The following ADCY10 variants were observed in gnomAD, a reference collection of about 807,000 sequenced individuals.
ADCY10 encodes adenylate cyclase 10, also known as adenylate cyclase type 10.
A neutral mutation model predicts 183.3 loss-of-function variants in ADCY10; 156 were observed. The observed-to-expected ratio is 0.85, with a 90% CI of 0.75 to 0.97. ADCY10 has a LOEUF of 0.97. Ranked by LOEUF, ADCY10 falls within the 50% of genes least tolerant of loss-of-function variation. ADCY10 has a pLI of 0.00. For synonymous variants in ADCY10, 645 were observed against 670.0 expected (o/e 0.96, Z 0.58); for missense variants, 1,745 against 1,934.3 (o/e 0.90, Z 1.84).
intron 8 of ADCY10, among the ~76,000 whole-genome samples, chr1:167,890,904 A>G (rs571202667): frequency 3.3e-5 from 5 of 152,210 alleles, no homozygotes; most frequent in Non-Finnish European, 5.9e-5. Flanking sequence ...ACATAAGGAC[A>G]CAATAAACTA....
chr1:167,880,360 G>A (rs1236900590), intron 10 of ADCY10, 131 bp downstream of exon 10: 1 of 957,370 alleles, frequency 1.0e-6, no homozygotes, highest in Non-Finnish European at 1.7e-6. Flanking sequence ...ATGCGAAGGA[G>A]GAACAACAGT....
At chr1:167,825,683 G>C (rs1464403406) in intron 26 of ADCY10, among the ~76,000 whole-genome samples, 1 of 152,198 alleles carries the variant, frequency 6.6e-6, no homozygotes, top group Non-Finnish European at 1.5e-5. Context: ...TACTCAGGAA[G>C]CTGAGGTGTT....
intron 18 of ADCY10, among the ~76,000 whole-genome samples, chr1:167,853,770 G>A (rs183288538): frequency 4.6e-5 from 7 of 151,226 alleles, no homozygotes; most frequent in African/African-American, 1.5e-4. Context: ...TAACATCAAA[G>A]CGGCCCTTCA....
rs756396568 is a variant in ADCY10, at chr1:167,902,037, C to T, written c.271G>A (p.Gly91Arg). The stretch of plus-strand genomic sequence containing the variant: ...ATACCTGCAAATTTCAGGATGTCTC[C>T]TCCAAAAATCAACACTTCTGAGAAA... ...AIVEKVLIFG[G>R]DILKFAGDAL... is the part of the protein sequence containing the mutation. Residue 91 changes from glycine to arginine, a missense_variant, in exon 4 of 33, where the codon GGA (glycine) becomes AGA (arginine). Gly to Arg is a moderately radical substitution (Grantham distance 125). Coordinates refer to ENST00000367851, the MANE Select transcript of ADCY10 (RefSeq NM_018417.6). 2 of 1,612,558 alleles carry T rather than the reference C, an allele frequency of 1.2e-6. No individual in the cohort carries two copies. Among genetic ancestry groups the T allele is most frequent in the Non-Finnish European group, 1.7e-6 (2 of 1,179,848 alleles).
intron 7 of ADCY10, 112 bp from the exon 8 acceptor site, chr1:167,894,053 T>A: frequency 1.3e-6 from 1 of 751,218 alleles, no homozygotes; most frequent in Non-Finnish European, 2.4e-6. Context: ...TTCTTGTCCT[T>A]ACAGTTGTCA....
In ADCY10 at chr1:167,824,712, C is replaced by A. The variant is rs1445638450; in HGVS notation, c.3894G>T (p.Val1298=). Residue 1298 remains valine, a synonymous_variant, in exon 27 of 33, where the codon GTG becomes GTT. Coordinates refer to ENST00000367851, the MANE Select transcript of ADCY10 (RefSeq NM_018417.6). ...KGEGIEIVAY[V]AETLVFNKLI... ...GCTTGTTGAAGACCAGTGTCTCAGCCACGTATGCCACGATTTCAATGCCCT... is the reference window on the plus strand; with the variant it reads ...GCTTGTTGAAGACCAGTGTCTCAGCAACGTATGCCACGATTTCAATGCCCT... The A allele has an allele frequency of 6.2e-7, 1 of 1,614,210 alleles. No individual in the cohort carries two copies. The highest frequency in any genetic ancestry group is 8.5e-7 in the Non-Finnish European group (1 of 1,180,042).
At chr1:167,912,390 T>C (rs1020779935) in intron 1 of ADCY10, among the ~76,000 whole-genome samples, 4 of 152,212 alleles carry the variant, frequency 2.6e-5, no homozygotes, top group Non-Finnish European at 5.9e-5. Flanking sequence ...TTGCCCCACA[T>C]GTTCCTGGCA....
intron 18 of ADCY10, among the ~76,000 whole-genome samples, chr1:167,851,024 T>A (rs2101995510): frequency 6.6e-6 from 1 of 152,292 alleles, no homozygotes; most frequent in East Asian, 1.9e-4. Context: ...CCTACTCAGG[T>A]TCGCCTGTTG....
chr1:167,884,367 C>T (rs566160014), intron 8 of ADCY10, among the ~76,000 whole-genome samples: 5 of 152,168 alleles, frequency 3.3e-5, no homozygotes, highest in African/African-American at 7.2e-5. Context: ...CAATCAGATC[C>T]CATGAGAACT....
At chr1:167,880,019 C>G in intron 11 of ADCY10, 96 bp downstream of exon 11, 2 of 1,022,808 alleles carry the variant, frequency 2.0e-6, no homozygotes, top group South Asian at 2.7e-5. Context: ...GGGCAGGGCT[C>G]ATGTCTCACT....
chr1:167,811,360 G>T (rs1281132747), intron 31 of ADCY10, among the ~76,000 whole-genome samples: 4 of 152,108 alleles, frequency 2.6e-5, no homozygotes, highest in African/African-American at 9.7e-5. Context: ...AGGCCGAGGT[G>T]GGTGGATCAC....
rs781116365 is a variant in ADCY10, at chr1:167,870,334, C to G, written c.1539G>C (p.Met513Ile). 1 of 1,613,970 alleles carries G rather than the reference C, an allele frequency of 6.2e-7. No homozygotes were observed. The highest frequency in any genetic ancestry group is 1.1e-5 in the South Asian group (1 of 91,074). The change falls in exon 14 of 33, where the codon ATG becomes ATC. Residue 513 changes from methionine (M) to isoleucine (I), a missense_variant. Physicochemically the swap from Met to Ile is conservative, Grantham distance 10. Transcript: ENST00000367851. ...FLISNSSQVL[M>I]YEGLPGYGKS... ...TTCCATATCCTGGTAATCCCTCATA[C>G]ATTAAGACTTGGCTGCTGTTAGATA...
intron 8 of ADCY10, among the ~76,000 whole-genome samples, chr1:167,887,795 T>C (rs978723721): frequency 2.6e-5 from 4 of 151,844 alleles, no homozygotes; most frequent in African/African-American, 9.7e-5. Context: ...AAAAAACACT[T>C]GATGTTATCC....
At chr1:167,831,066 C>T (rs1663690405) in intron 25 of ADCY10, among the ~76,000 whole-genome samples, 1 of 152,162 alleles carries the variant, frequency 6.6e-6, no homozygotes. Context: ...GGGCACATGT[C>T]GTTAGGACTT....
chr1:167,838,214 C>A (rs1664368029), intron 21 of ADCY10, among the ~76,000 whole-genome samples: 1 of 152,198 alleles, frequency 6.6e-6, no homozygotes, highest in African/African-American at 2.4e-5. Context: ...CTCCTGTGTG[C>A]CCGTCAACCC....
chr1:167,896,775 T>C, intron 6 of ADCY10, 84 bp from the exon 7 acceptor site: 1 of 978,980 alleles, frequency 1.0e-6, no homozygotes. Flanking sequence ...AGAAAGAGAG[T>C]ATGCTTTTGA....
At chr1:167,859,662 G>A in intron 16 of ADCY10, 145 bp downstream of exon 16, 1 of 754,478 alleles carries the variant, frequency 1.3e-6, no homozygotes, top group Non-Finnish European at 2.4e-6. Flanking sequence ...TGGAAGGATG[G>A]AGGAGAATGA....
At position 167,822,129 on chromosome 1, in the gene ADCY10, C is replaced by T. The variant is rs1558147932; in HGVS notation, c.4181G>A (p.Arg1394Lys). ...GAATTCCAAACATTCTTCAAATGTTCTATAAACAAAACCTAAGAGAGAGAG... is the reference window on the plus strand; with the variant it reads ...GAATTCCAAACATTCTTCAAATGTTTTATAAACAAAACCTAAGAGAGAGAG... ...DILLYSGFVY[R>K]TFEECLEFIH... is the part of the protein sequence containing the mutation. The change falls in exon 30 of 33, where the codon AGA becomes AAA. Residue 1394 changes from arginine to lysine, a missense_variant. By Grantham distance (26) the Arg-to-Lys change is conservative. Transcript: ENST00000367851. The T allele has an allele frequency of 5.0e-6, 8 of 1,586,694 alleles. No individual in the cohort carries two copies. Among genetic ancestry groups the T allele is most frequent in the Non-Finnish European group, 6.9e-6 (8 of 1,154,976 alleles).
chr1:167,911,161 G>A (rs539341440), intron 1 of ADCY10, among the ~76,000 whole-genome samples: 1 of 152,146 alleles, frequency 6.6e-6, no homozygotes, highest in Non-Finnish European at 1.5e-5. Flanking sequence ...GTTCAAACTG[G>A]GCAGTTTTAG....
Sources: gnomAD v4.1 joint callset for allele counts (sites outside exome capture counted in the v4.1 genomes callset) on GRCh38, gnomAD v4.1.1 for gene constraint, MANE v1.5 for transcripts, NCBI Gene and HGNC (gene_info 2026-07-23, HGNC 2026-07-21) for gene names.